P4HA3: variants seen among roughly 807,000 people sequenced by gnomAD.
P4HA3 encodes the protein prolyl 4-hydroxylase subunit alpha 3, also known as prolyl 4-hydroxylase subunit alpha-3.
Under a neutral mutation model 66.7 loss-of-function variants are expected in P4HA3, and 60 were observed. That is an observed-to-expected ratio of 0.90 (90% CI 0.73 to 1.12). P4HA3 has a LOEUF of 1.12. P4HA3 is among the 50% of genes most tolerant of loss of function. The pLI is 0.00. For missense variants in P4HA3, 683 were observed against 685.8 expected (o/e 1.00, Z 0.05); for synonymous variants, 263 against 274.6 (o/e 0.96, Z 0.42).
At chr11:74,270,062 T>G (rs1041242623) in intron 10 of P4HA3, among the ~76,000 whole-genome samples, 1 of 151,362 alleles carries the variant, frequency 6.6e-6, no homozygotes, top group Admixed American at 6.6e-5. Context: ...CACACACACA[T>G]ACACACACAC....
chr11:74,276,904 C>T (rs1860415735), intron 9 of P4HA3, 81 bp downstream of exon 9: 1 of 1,368,788 alleles, frequency 7.3e-7, no homozygotes, highest in Admixed American at 2.6e-5. Flanking sequence ...TCCCTGAGAG[C>T]CTACAAGAGC....
At chr11:74,292,346 AT>A (rs1405301867) in intron 4 of P4HA3, among the ~76,000 whole-genome samples, 2 of 151,822 alleles carry the variant, frequency 1.3e-5, no homozygotes, top group African/African-American at 4.8e-5. Context: ...TTTCTTCTTT[AT>A]TATTCTTGCT....
At chr11:74,300,496 GT>G (rs1861372299) in intron 3 of P4HA3, among the ~76,000 whole-genome samples, 2 of 152,272 alleles carry the variant, frequency 1.3e-5, no homozygotes, top group South Asian at 4.1e-4. Context: ...GGGCACACCT[GT>G]AGTCCTAGCT....
intron 7 of P4HA3, among the ~76,000 whole-genome samples, chr11:74,283,962 C>T (rs1291637176): frequency 9.2e-5 from 14 of 152,130 alleles, no homozygotes; most frequent in Admixed American, 9.2e-4. Flanking sequence ...CTCCATTGTG[C>T]ACTAAGTTTC....
intron 6 of P4HA3, 70 bp downstream of exon 6, chr11:74,286,158 T>A: frequency 6.4e-7 from 1 of 1,555,032 alleles, no homozygotes; most frequent in Non-Finnish European, 8.7e-7. Context: ...TCCCCTCATG[T>A]TATCCCAATT....
At chr11:74,277,527 A>T (rs910076110) in intron 8 of P4HA3, among the ~76,000 whole-genome samples, 1 of 152,226 alleles carries the variant, frequency 6.6e-6, no homozygotes, top group African/African-American at 2.4e-5. Flanking sequence ...TAAGTCAAGT[A>T]TTTAACCATT....
At chr11:74,263,340 TG>T (rs1307761397), downstream of P4HA3, among the ~76,000 whole-genome samples, 7 of 152,222 alleles carry the variant, frequency 4.6e-5, no homozygotes, top group African/African-American at 1.7e-4. Context: ...TAGGCATCAG[TG>T]GCACAAGGGA....
intron 12 of P4HA3, 144 bp from the exon 13 acceptor site, chr11:74,267,462 T>TAGTGAGGCCAGGACTA: frequency 2.0e-6 from 2 of 985,632 alleles, no homozygotes; most frequent in Non-Finnish European, 2.9e-6. Context: ...AGCCTAGTCC[T>TAGTGAGGCCAGGACTA]GGCCTCACTA....
downstream of P4HA3, among the ~76,000 whole-genome samples, chr11:74,265,890 G>C (rs762215657): frequency 9.2e-5 from 14 of 152,208 alleles, no homozygotes; most frequent in Non-Finnish European, 1.5e-5. Flanking sequence ...CCCCTGCAAG[G>C]AAGGCAACTG....
At chr11:74,260,144 T>C (rs1379439989) in intron 14 of P4HA3, 1 of 152,136 alleles carries the variant, frequency 6.6e-6, no homozygotes, top group Non-Finnish European at 1.5e-5. Context: ...AGACTGCAAA[T>C]GTGGAGGGAG....
intron 3 of P4HA3, among the ~76,000 whole-genome samples, chr11:74,300,320 A>G (rs1237396439): frequency 1.3e-5 from 2 of 152,220 alleles, no homozygotes; most frequent in Non-Finnish European, 2.9e-5. Flanking sequence ...ACGATGATGG[A>G]ATTAGACAAT....
chr11:74,272,024 G>A (rs565515687), intron 10 of P4HA3, among the ~76,000 whole-genome samples: 29 of 152,264 alleles, frequency 1.9e-4, no homozygotes, highest in African/African-American at 6.3e-4. Context: ...CTGTGAGGAA[G>A]CACAGGGCAA....
intron 7 of P4HA3, among the ~76,000 whole-genome samples, chr11:74,281,063 GGAC>G (rs1860575599): frequency 6.6e-6 from 1 of 152,088 alleles, no homozygotes; most frequent in African/African-American, 2.4e-5. Flanking sequence ...AGTGGGCGAA[GGAC>G]ATGAACAGAC....
At chr11:74,279,783 A>G (rs1860527137) in intron 7 of P4HA3, among the ~76,000 whole-genome samples, 1 of 152,212 alleles carries the variant, frequency 6.6e-6, no homozygotes, top group South Asian at 2.1e-4. Context: ...AGGTAAGAAC[A>G]GGGGCTATTT....
chr11:74,287,116 C>G (rs908603056), intron 5 of P4HA3: 9 of 1,195,932 alleles, frequency 7.5e-6, no homozygotes, highest in Non-Finnish European at 9.5e-6. Flanking sequence ...TTGTGCCCAC[C>G]TGTTTGTACC....
chr11:74,307,043 G>C (rs1861601546), intron 1 of P4HA3, among the ~76,000 whole-genome samples: 1 of 152,160 alleles, frequency 6.6e-6, no homozygotes, highest in African/African-American at 2.4e-5. Context: ...ACTTGGGCTT[G>C]AGTCCAGCTT....
intron 7 of P4HA3, among the ~76,000 whole-genome samples, chr11:74,284,766 T>C (rs1860729980): frequency 6.6e-6 from 1 of 152,086 alleles, no homozygotes; most frequent in East Asian, 1.9e-4. Context: ...CTCCCAGGAA[T>C]CAGCCCTGGG....
chr11:74,304,544 C>T (rs2134826577), intron 1 of P4HA3, 132 bp from the exon 2 acceptor site: 1 of 1,092,652 alleles, frequency 9.2e-7, no homozygotes, highest in African/African-American at 1.6e-5. Context: ...CATAATAGTC[C>T]AACCAAAAAG....
chr11:74,296,678 C>T (rs752704718), intron 4 of P4HA3, among the ~76,000 whole-genome samples: 26 of 152,118 alleles, frequency 1.7e-4, no homozygotes, highest in Non-Finnish European at 3.4e-4. Context: ...AAATCCAAGC[C>T]ATCAGAGTTA....
Sources: gnomAD v4.1 joint callset for allele counts (sites outside exome capture counted in the v4.1 genomes callset) on GRCh38, gnomAD v4.1.1 for gene constraint, MANE v1.5 for transcripts, NCBI Gene and HGNC (gene_info 2026-07-23, HGNC 2026-07-21) for gene names.